The following LPGAT1 variants were observed in gnomAD, a reference collection of about 807,000 sequenced individuals.
The protein encoded by LPGAT1 is lysophosphatidylglycerol acyltransferase 1.
A neutral mutation model predicts 47.5 loss-of-function variants in LPGAT1; 11 were observed. That is an observed-to-expected ratio of 0.23 (90% CI 0.15 to 0.38). The LOEUF (loss-of-function observed/expected upper bound fraction) is 0.38, where lower values mean the gene tolerates loss of function less well. LPGAT1 is among the 10% of genes least tolerant of loss of function. The pLI, the probability that LPGAT1 is intolerant of heterozygous loss-of-function variation, is 1.00. For missense variants in LPGAT1, 293 were observed against 439.0 expected (o/e 0.67, Z 2.97); for synonymous variants, 138 against 144.2 (o/e 0.96, Z 0.31).
intron 2 of LPGAT1, among the ~76,000 whole-genome samples, chr1:211,805,957 T>C (rs1483308090): frequency 6.6e-6 from 1 of 152,174 alleles, no homozygotes; most frequent in Non-Finnish European, 1.5e-5. Context: ...AATGCAAGGC[T>C]GGTCCAATAT....
Position 211,785,018 on chromosome 1 carries a change from T to C in LPGAT1, c.454-1516A>G, listed in dbSNP as rs544375339. Among the ~76,000 whole-genome samples, 9 of 152,210 alleles carry C rather than the reference T, an allele frequency of 5.9e-5. No individual in the cohort carries two copies. In the East Asian group the frequency reaches 9.6e-4, roughly 16 times the overall value. Reference sequence around the variant, plus strand: ...TGGGATTTCACCGTGTTAGCCAGGATGGTCTCGATCTCCTGACCTTGTGAT... The same window carrying C: ...TGGGATTTCACCGTGTTAGCCAGGACGGTCTCGATCTCCTGACCTTGTGAT... On this transcript the variant is annotated intron_variant, in intron 4 of 7. Transcript: ENST00000366997.
At position 211,744,016 on chromosome 1, in the gene LPGAT1, CTT is replaced by C. The variant is rs1281133280; in HGVS notation, c.*5881_*5882del. ...TGAGAAATGAAAAGTATAAAGACAA[CTT>C]TAGAAATATGCAAGCTTCCCATGTA... On this transcript the variant is annotated 3_prime_UTR_variant, in exon 8 of 8. Transcript: ENST00000366997. 1 of 152,134 alleles carries C rather than the reference CTT, an allele frequency of 6.6e-6. No individual in the cohort carries two copies. The highest frequency in any genetic ancestry group is 1.9e-4 in the East Asian group (1 of 5,202). The allele number at this position is 152,134 out of a possible 1,614,324, so 9.4% of individuals were successfully genotyped here.
intron 5 of LPGAT1, among the ~76,000 whole-genome samples, chr1:211,779,806 C>T (rs1298852515): frequency 1.3e-5 from 2 of 151,004 alleles, no homozygotes; most frequent in African/African-American, 4.9e-5. Flanking sequence ...GAGCCAAGAT[C>T]GCCATCACTG....
At chr1:211,806,836 A>G (rs1158031118) in intron 2 of LPGAT1, among the ~76,000 whole-genome samples, 1 of 152,180 alleles carries the variant, frequency 6.6e-6, no homozygotes, top group Non-Finnish European at 1.5e-5. Flanking sequence ...TACAACAAAC[A>G]TAGTATTTAG....
At chr1:211,817,691 A>G (rs569396810) in intron 2 of LPGAT1, among the ~76,000 whole-genome samples, 9 of 152,322 alleles carry the variant, frequency 5.9e-5, no homozygotes, top group African/African-American at 2.2e-4. Context: ...ACATTTTACC[A>G]TGTCAGTAAT....
chr1:211,778,353 A>G (rs544295381), intron 6 of LPGAT1, among the ~76,000 whole-genome samples: 1 of 151,102 alleles, frequency 6.6e-6, no homozygotes, highest in Admixed American at 6.6e-5. Flanking sequence ...AAAAAAAAAA[A>G]AAAAAAAAAA....
rs1345718096 is a variant in LPGAT1, at chr1:211,830,261, G to A, written c.-28+312C>T. ...GCCGAGGGGTCGCGGTCATGGACGC[G>A]GTGGCGGCCCAAGCGGCCCGAGGCG... On this transcript the variant is annotated intron_variant, in intron 1 of 7. Coordinates refer to ENST00000366997, the MANE Select transcript of LPGAT1 (RefSeq NM_014873.3). The surrounding 1 kb of genome is among the most constrained non-coding windows in gnomAD (Gnocchi z 5.9). 13 of 1,001,558 alleles carry A rather than the reference G, an allele frequency of 1.3e-5. No individual in the cohort carries two copies. Among genetic ancestry groups the A allele is most frequent in the Middle Eastern group, 4.9e-4 (1 of 2,050 alleles). 62.0% of individuals were successfully genotyped at this position (1,001,558 alleles called of 1,614,324 possible). A position where few individuals can be genotyped will look rare whatever the true frequency, so the allele number is the denominator to read the frequency against.
At chr1:211,819,928 T>C (rs1660309815) in intron 2 of LPGAT1, among the ~76,000 whole-genome samples, 1 of 151,560 alleles carries the variant, frequency 6.6e-6, no homozygotes, top group African/African-American at 2.4e-5. Flanking sequence ...GAGGTTGCAG[T>C]GAGCCAAGAC....
At chr1:211,752,790 T>C (rs990045867) in intron 6 of LPGAT1, among the ~76,000 whole-genome samples, 2 of 152,216 alleles carry the variant, frequency 1.3e-5, no homozygotes, top group Non-Finnish European at 2.9e-5. Context: ...AATACTGACT[T>C]CCAATTTTTG....
chr1:211,787,495 A>G, intron 4 of LPGAT1, 137 bp downstream of exon 4: 1 of 406,928 alleles, frequency 2.5e-6, no homozygotes, highest in Non-Finnish European at 4.4e-6. Flanking sequence ...CTCTCAAAAA[A>G]AAAAAAAAAA....
chr1:211,804,797 G>A (rs12129884), intron 2 of LPGAT1, among the ~76,000 whole-genome samples: 10,424 of 152,132 alleles, frequency 0.069, 418 homozygotes, highest in Non-Finnish European at 0.087. Flanking sequence ...ATGGGTGTGT[G>A]TTACAAAAAG....
In LPGAT1 at chr1:211,793,207, G is replaced by A; in HGVS notation, c.239-17C>T. 1 of 1,529,068 alleles carries A rather than the reference G, an allele frequency of 6.5e-7. No individual in the cohort carries two copies. Among genetic ancestry groups the A allele is most frequent in the South Asian group, 1.1e-5 (1 of 86,986 alleles). The allele number at this position is 1,529,068 out of a possible 1,614,324, so 94.7% of individuals were successfully genotyped here. A position where few individuals can be genotyped will look rare whatever the true frequency, so the allele number is the denominator to read the frequency against. Reference sequence around the variant, plus strand: ...ATTCCATCACTGTAAGAACAAAAAAGTTTCAAAGCTGTCATTTTAAAGATT... The same window carrying A: ...ATTCCATCACTGTAAGAACAAAAAAATTTCAAAGCTGTCATTTTAAAGATT... On this transcript the variant is annotated splice_polypyrimidine_tract_variant and intron_variant, in intron 2 of 7. Coordinates refer to ENST00000366997, the MANE Select transcript of LPGAT1 (RefSeq NM_014873.3).
rs150408510 is a variant in LPGAT1 at position 211,784,997 on chromosome 1, A to G, written c.454-1495T>C. Among the ~76,000 whole-genome samples, 969 of 151,578 alleles carry G rather than the reference A, an allele frequency of 6.4e-3. 4 individuals are homozygous for G. The highest frequency in any genetic ancestry group is 0.011 in the African/African-American group (443 of 41,328). On this transcript the variant is annotated intron_variant, in intron 4 of 7. Coordinates refer to ENST00000366997, the MANE Select transcript of LPGAT1 (RefSeq NM_014873.3). ...TTTTTTTGTTTTTAGTAGAGATGGG[A>G]TTTCACCGTGTTAGCCAGGATGGTC...
At chr1:211,755,298 A>G (rs1156961521) in intron 6 of LPGAT1, among the ~76,000 whole-genome samples, 2 of 151,800 alleles carry the variant, frequency 1.3e-5, no homozygotes, top group Non-Finnish European at 2.9e-5. Context: ...GGATCGCACC[A>G]CTGCACTCCA....
chr1:211,783,080 T>G (rs1658707459), intron 5 of LPGAT1, 149 bp downstream of exon 5: 1 of 686,170 alleles, frequency 1.5e-6, no homozygotes, highest in Non-Finnish European at 2.2e-6. Flanking sequence ...CTTTTGTAAA[T>G]GGAAACTTTT....
chr1:211,758,838 C>T (rs1657571673), intron 6 of LPGAT1, among the ~76,000 whole-genome samples: 1 of 152,102 alleles, frequency 6.6e-6, no homozygotes, highest in African/African-American at 2.4e-5. Flanking sequence ...TTTATAGATA[C>T]CATTAATCAG....
intron 6 of LPGAT1, among the ~76,000 whole-genome samples, chr1:211,760,684 T>A (rs1657660122): frequency 6.6e-6 from 1 of 152,178 alleles, no homozygotes; most frequent in Admixed American, 6.5e-5. Context: ...TTCTCACCTC[T>A]TAAAATTGAT....
chr1:211,778,341 C>CA (rs551509650), intron 6 of LPGAT1, among the ~76,000 whole-genome samples: 146 of 33,096 alleles, frequency 4.4e-3, no homozygotes, highest in Non-Finnish European at 7.3e-3. Context: ...GACTCTGTCT[C>CA]AAAAAAAAAA....
chr1:211,753,083 C>T (rs1346111160), intron 6 of LPGAT1, among the ~76,000 whole-genome samples: 1 of 152,210 alleles, frequency 6.6e-6, no homozygotes, highest in Non-Finnish European at 1.5e-5. Context: ...GACATTCTTT[C>T]AATTTCACCT....
Sources: allele counts gnomAD v4.1 joint callset (sites outside exome capture counted in the v4.1 genomes callset), GRCh38; gene constraint gnomAD v4.1.1; non-coding constraint Gnocchi (gnomAD v3.1); transcripts MANE v1.5; gene names NCBI Gene and HGNC (gene_info 2026-07-23, HGNC 2026-07-21).